The following MAST1 variants were observed in gnomAD, a reference collection of about 807,000 sequenced individuals.
The protein encoded by MAST1 is microtubule associated serine/threonine kinase 1.
In MAST1, 40 loss-of-function variants were observed where a neutral mutation model predicts 124.6. The ratio of observed to expected loss-of-function variants is 0.32; its 90% CI spans 0.25 to 0.42. The LOEUF is 0.42. MAST1 is among the 10% of genes least tolerant of loss of function. The pLI is 1.00. For missense variants in MAST1, 1,558 were observed against 2,181.9 expected (o/e 0.71, Z 5.70); for synonymous variants, 938 against 939.4 (o/e 1.00, Z 0.03).
chr19:12,865,477 C>A lies in MAST1; in HGVS notation c.1800C>A (p.Ile600=), dbSNP rs1265708345. 2 of 1,581,236 alleles carry A rather than the reference C, an allele frequency of 1.3e-6. No homozygotes were observed. Among genetic ancestry groups the A allele is most frequent in the Non-Finnish European group, 1.7e-6 (2 of 1,164,752 alleles). ...CAGAGGAGCTATTTGGACAGGTCAT[C>A]AGTGGTACGTGGCTTGGCAGTGTAC... ...DTPEELFGQV[I]SDDILWPEGD... is the part of the protein sequence containing the mutation. Residue 600 remains isoleucine (I), a synonymous_variant, in exon 15 of 26, where the codon ATC becomes ATA. Coordinates refer to ENST00000251472, the MANE Select transcript of MAST1 (RefSeq NM_014975.3). This position sits in a 1 kb window ranked among gnomAD's most constrained non-coding sequence, Gnocchi z 7.1.
chr19:12,848,195 G>A, intron 7 of MAST1, 138 bp downstream of exon 7: 1 of 741,226 alleles, frequency 1.3e-6, no homozygotes, highest in Non-Finnish European at 2.2e-6. Flanking sequence ...GAGGACTCAG[G>A]GGTGGAAGTG....
chr19:12,847,222 C>T lies in MAST1; in HGVS notation c.328-68C>T, dbSNP rs1241777920. 6 of 1,076,086 alleles carry T rather than the reference C, an allele frequency of 5.6e-6. No homozygotes were observed. Among genetic ancestry groups the T allele is most frequent in the Non-Finnish European group, 8.3e-6 (6 of 726,104 alleles). 66.7% of individuals were successfully genotyped at this position (1,076,086 alleles called of 1,614,324 possible). On this transcript the variant is annotated intron_variant, in intron 4 of 25. Coordinates refer to ENST00000251472, the MANE Select transcript of MAST1 (RefSeq NM_014975.3). This position sits in a 1 kb window ranked among gnomAD's most constrained non-coding sequence, Gnocchi z 5.5. ...GTGACCCCATCGGCTTTGGGAGTCC[C>T]AGCTCAGGGTCCTGAGCTGTTGGGG... is the stretch of plus-strand genomic sequence containing the variant.
intron 10 of MAST1, 35 bp from the exon 11 acceptor site, chr19:12,858,327 A>T: frequency 6.4e-7 from 1 of 1,554,978 alleles, no homozygotes. Context: ...TCTCATGATG[A>T]TGATGGTGGT....
Position 12,858,408 on chromosome 19 carries a change from A to T in MAST1, c.1124A>T (p.Asp375Val). 1 of 1,614,012 alleles carries T rather than the reference A, an allele frequency of 6.2e-7. No individual in the cohort carries two copies. Among genetic ancestry groups the T allele is most frequent in the Non-Finnish European group, 8.5e-7 (1 of 1,179,976 alleles). Reference protein sequence around the residue: ...AKKPPGENDFDTIKLISNGAY... With the variant: ...AKKPPGENDFVTIKLISNGAY... ...AAACCGCCGGGGGAGAATGACTTCG[A>T]TACCATCAAGCTCATAAGCAACGGT... is the stretch of plus-strand genomic sequence containing the variant. The change falls in exon 11 of 26, where the codon GAT becomes GTT. Residue 375 changes from aspartate (D) to valine (V), a missense_variant. Coordinates refer to ENST00000251472, the MANE Select transcript of MAST1 (RefSeq NM_014975.3).
chr19:12,871,120 G>A lies in MAST1; in HGVS notation c.3211G>A (p.Ala1071Thr). Residue 1071 changes from alanine (A) to threonine (T), a missense_variant, in exon 24 of 26, where the codon GCT becomes ACT. This residue lies in a region of MAST1 where 291 missense variants were observed against 475.8 expected (regional missense o/e 0.61). Coordinates refer to ENST00000251472, the MANE Select transcript of MAST1 (RefSeq NM_014975.3). ...IGPARRSSYK[A>T]KMARRNKRPS... ...TCCCGCAAGGCGCAGCAGCTACAAG[G>A]CTAAAATGGCTCGGAGGAACAAGCG... 6.2e-7 allele frequency: 1 copy of A among 1,614,172 alleles called. No homozygotes were observed. Among genetic ancestry groups the A allele is most frequent in the Non-Finnish European group, 8.5e-7 (1 of 1,180,026 alleles).
In MAST1 at chr19:12,867,458, C is replaced by T; in HGVS notation, c.2140-16C>T. ...GTGGAACCCGGGCTGGACTTGCCTC[C>T]CACCACCACCTACAGGTGTATAGCA... On this transcript the variant is annotated splice_polypyrimidine_tract_variant and intron_variant, in intron 18 of 25. Coordinates refer to ENST00000251472, the MANE Select transcript of MAST1 (RefSeq NM_014975.3). 1 of 1,612,110 alleles carries T rather than the reference C, an allele frequency of 6.2e-7. No homozygotes were observed. The highest frequency in any genetic ancestry group is 8.5e-7 in the Non-Finnish European group (1 of 1,179,682).
At chr19:12,860,999 G>A (rs1227443038) in intron 12 of MAST1, among the ~76,000 whole-genome samples, 3 of 151,908 alleles carry the variant, frequency 2.0e-5, no homozygotes, top group Non-Finnish European at 2.9e-5. Flanking sequence ...CCCCGCCATG[G>A]AGATTCCATT....
At position 12,841,084 on chromosome 19, in the gene MAST1, A is replaced by G; in HGVS notation, c.248+18A>G. The G allele has an allele frequency of 4.4e-6, 6 of 1,349,896 alleles. No individual in the cohort carries two copies. The highest frequency in any genetic ancestry group is 6.4e-6 in the Non-Finnish European group (6 of 940,196). The allele number at this position is 1,349,896 out of a possible 1,614,324, so 83.6% of individuals were successfully genotyped here. ...TCCCGAAGGTGAGTCCCTCCCCTCC[A>G]GGGCCCCAGAACCCTGGGCAGACCC... On this transcript the variant is annotated intron_variant, in intron 3 of 25. Transcript: ENST00000251472. This position sits in a 1 kb window ranked among gnomAD's most constrained non-coding sequence, Gnocchi z 4.3.
At chr19:12,857,302 C>T (rs1970027453) in intron 10 of MAST1, among the ~76,000 whole-genome samples, 1 of 152,064 alleles carries the variant, frequency 6.6e-6, no homozygotes, top group Non-Finnish European at 1.5e-5. Flanking sequence ...AGGCTTGTCT[C>T]GAGCTCCTGA....
At chr19:12,864,721 C>T in intron 12 of MAST1, 88 bp from the exon 13 acceptor site, 7 of 1,544,954 alleles carry the variant, frequency 4.5e-6, no homozygotes, top group Non-Finnish European at 6.2e-6. Flanking sequence ...AAAACGGGTA[C>T]AACATAACAT....
At position 12,838,783 on chromosome 19, in the gene MAST1, C is replaced by A; in HGVS notation, c.83+128C>A. The A allele has an allele frequency of 2.5e-6, 2 of 795,450 alleles. No individual in the cohort carries two copies. The highest frequency in any genetic ancestry group is 3.8e-6 in the Non-Finnish European group (2 of 527,602). The allele number at this position is 795,450 out of a possible 1,614,324, so 49.3% of individuals were successfully genotyped here. On this transcript the variant is annotated intron_variant, in intron 1 of 25. Coordinates refer to ENST00000251472, the MANE Select transcript of MAST1 (RefSeq NM_014975.3). The surrounding 1 kb of genome is among the most constrained non-coding windows in gnomAD (Gnocchi z 4.3). ...CTGCGCCAGAGGTGCCCCAGCTGCG[C>A]CTTCCCGCCGGGGTTGGGGTTGAAT...
In MAST1 at chr19:12,865,167, C is replaced by T. The variant is rs780120901; in HGVS notation, c.1627C>T (p.Leu543=). ...GHIEKDAREF[L]DKQVCGTPEY... is the part of the protein sequence containing the mutation. ...CATCGAGAAGGACGCCCGAGAGTTC[C>T]TGGACAAACAGGTGTGTGTGCGGGC... The change falls in exon 14 of 26, where the codon CTG becomes TTG. Residue 543 remains leucine, a synonymous_variant. Transcript: ENST00000251472. The surrounding 1 kb of genome is among the most constrained non-coding windows in gnomAD (Gnocchi z 7.1). 1.1e-5 allele frequency: 18 copies of T among 1,613,968 alleles called. No homozygotes were observed. Among genetic ancestry groups the T allele is most frequent in the Non-Finnish European group, 1.4e-5 (17 of 1,179,962 alleles).
At chr19:12,869,706 G>C (rs1418135637) in intron 22 of MAST1, among the ~76,000 whole-genome samples, 1 of 151,700 alleles carries the variant, frequency 6.6e-6, no homozygotes, top group Admixed American at 6.6e-5. Context: ...AAACTGCTGG[G>C]ATTACAGGCG....
chr19:12,858,288 T>C (rs1970040512), intron 10 of MAST1, 74 bp from the exon 11 acceptor site: 1 of 1,273,484 alleles, frequency 7.9e-7, no homozygotes, highest in Non-Finnish European at 1.1e-6. Flanking sequence ...AGTTTCCCCA[T>C]GTGTAAAATG....
intron 10 of MAST1, among the ~76,000 whole-genome samples, chr19:12,856,213 G>A (rs2145899134): frequency 6.6e-6 from 1 of 150,420 alleles, no homozygotes; most frequent in South Asian, 2.1e-4. Flanking sequence ...TAATTTTCAA[G>A]AAAGATATAC....
In MAST1 at chr19:12,847,646, A is replaced by C. The variant is rs749007754; in HGVS notation, c.523A>C (p.Ile175Leu). ...CTCCCCCTCCTCCTACGACAACGAGATCGTGATGATGAATCACGTCTACAA... is the reference window on the plus strand; with the variant it reads ...CTCCCCCTCCTCCTACGACAACGAGCTCGTGATGATGAATCACGTCTACAA... ...GRSPSSYDNE[I>L]VMMNHVYKER... The change falls in exon 6 of 26, where the codon ATC (isoleucine) becomes CTC (leucine). Residue 175 changes from isoleucine to leucine, a missense_variant. Transcript: ENST00000251472. This position sits in a 1 kb window ranked among gnomAD's most constrained non-coding sequence, Gnocchi z 5.5. The C allele has an allele frequency of 1.9e-6, 3 of 1,613,918 alleles. No individual in the cohort carries two copies. Among genetic ancestry groups the C allele is most frequent in the Non-Finnish European group, 2.5e-6 (3 of 1,179,954 alleles).
chr19:12,862,085 G>A (rs920687620), intron 12 of MAST1, among the ~76,000 whole-genome samples: 1 of 148,862 alleles, frequency 6.7e-6, no homozygotes, highest in African/African-American at 2.5e-5. Flanking sequence ...GATTACTGCA[G>A]CCTCCGTCTC....
chr19:12,843,230 A>C lies in MAST1; in HGVS notation c.249-299A>C, dbSNP rs983668876. Among the ~76,000 whole-genome samples the C allele has an allele frequency of 1.3e-5, 2 of 149,334 alleles. No individual in the cohort carries two copies. The highest frequency in any genetic ancestry group is 3.0e-5 in the Non-Finnish European group (2 of 67,584). ...GTGTTCACTTGGGGGAAATTTCTAG[A>C]ATCTCTCTGGAAAGGCTTCACTGGG... On this transcript the variant is annotated intron_variant, in intron 3 of 25. Coordinates refer to ENST00000251472, the MANE Select transcript of MAST1 (RefSeq NM_014975.3). This position sits in a 1 kb window ranked among gnomAD's most constrained non-coding sequence, Gnocchi z 4.9.
At chr19:12,842,484 G>A (rs996443448) in intron 3 of MAST1, among the ~76,000 whole-genome samples, 1 of 151,978 alleles carries the variant, frequency 6.6e-6, no homozygotes, top group East Asian at 1.9e-4. Context: ...GTAGAGATGG[G>A]GTTTCACCAG....
Sources: gnomAD v4.1 joint callset for allele counts (sites outside exome capture counted in the v4.1 genomes callset) on GRCh38, gnomAD v4.1.1 for gene constraint, gnomAD v4.1.1 regional missense constraint, Gnocchi (gnomAD v3.1) non-coding constraint, MANE v1.5 for transcripts, NCBI Gene and HGNC (gene_info 2026-07-23, HGNC 2026-07-21) for gene names.